The following ENTREP2 variants were observed in gnomAD, a reference collection of about 807,000 sequenced individuals.
ENTREP2 encodes protein ENTREP2.
At chr15:29,168,849 C>G in the ENTREP2 span, among the ~76,000 whole-genome samples, 1 of 152,174 alleles carries the variant, frequency 6.6e-6, no homozygotes, top group South Asian at 2.1e-4. Flanking sequence ...AGTTCACACA[C>G]TCTCCGCAAG....
At chr15:29,451,343 C>T in the ENTREP2 span, among the ~76,000 whole-genome samples, 5 of 152,202 alleles carry the variant, frequency 3.3e-5, no homozygotes, top group African/African-American at 1.2e-4. Flanking sequence ...TCCTTCCCCA[C>T]CCCTTCTCGC....
At chr15:29,387,133 G>A in the ENTREP2 span, among the ~76,000 whole-genome samples, 25 of 152,232 alleles carry the variant, frequency 1.6e-4, no homozygotes, top group African/African-American at 5.8e-4. Flanking sequence ...TTGGCTGTGG[G>A]TTTGTCATAG....
the ENTREP2 span, chr15:29,614,318 G>T: frequency 6.6e-6 from 1 of 152,530 alleles, no homozygotes; most frequent in Non-Finnish European, 1.5e-5. Context: ...CAGTGAGGAA[G>T]CCCAGTGGGA....
At chr15:29,311,118 G>A in the ENTREP2 span, among the ~76,000 whole-genome samples, 1 of 152,186 alleles carries the variant, frequency 6.6e-6, no homozygotes, top group East Asian at 1.9e-4. Flanking sequence ...TTTGTGATGA[G>A]AGACCTGTAA....
chr15:29,657,483 CGGGG>C, the ENTREP2 span, among the ~76,000 whole-genome samples: 314 of 69,442 alleles, frequency 4.5e-3, 18 homozygotes, highest in African/African-American at 0.017. Context: ...GCTGGGGGGG[CGGGG>C]GGGGGGGGTG....
the ENTREP2 span, among the ~76,000 whole-genome samples, chr15:29,209,055 G>T: frequency 6.6e-6 from 1 of 152,190 alleles, no homozygotes; most frequent in East Asian, 1.9e-4. Context: ...GAGGGGCGGG[G>T]CTCCCGGGGA....
chr15:29,263,077 G>A, the ENTREP2 span, among the ~76,000 whole-genome samples: 1 of 152,160 alleles, frequency 6.6e-6, no homozygotes, highest in African/African-American at 2.4e-5. Context: ...ACAATACTAA[G>A]AAATGCTTTC....
the ENTREP2 span, among the ~76,000 whole-genome samples, chr15:29,606,563 T>C: frequency 1.3e-5 from 2 of 152,076 alleles, no homozygotes; most frequent in African/African-American, 4.8e-5. Context: ...GTATAACATT[T>C]TTGGCTTATA....
the ENTREP2 span, among the ~76,000 whole-genome samples, chr15:29,291,132 T>C: frequency 6.6e-6 from 1 of 151,856 alleles, no homozygotes; most frequent in Non-Finnish European, 1.5e-5. Flanking sequence ...ATGGAAGGGG[T>C]CTCATTACCT....
the ENTREP2 span, among the ~76,000 whole-genome samples, chr15:29,156,453 G>A: frequency 6.6e-6 from 1 of 152,140 alleles, no homozygotes; most frequent in Non-Finnish European, 1.5e-5. Flanking sequence ...CTCCCAAAGT[G>A]CTGGGATTAC....
At chr15:29,527,694 T>C in the ENTREP2 span, among the ~76,000 whole-genome samples, 1 of 152,102 alleles carries the variant, frequency 6.6e-6, no homozygotes, top group Admixed American at 6.5e-5. Context: ...TCATGAGCCA[T>C]GGAGAAGCTT....
the ENTREP2 span, among the ~76,000 whole-genome samples, chr15:29,647,740 T>G: frequency 2.0e-5 from 3 of 152,142 alleles, no homozygotes; most frequent in African/African-American, 7.2e-5. Context: ...CTTTGCCTCA[T>G]ATATACCTCT....
chr15:29,212,549 T>C, the ENTREP2 span, among the ~76,000 whole-genome samples: 4 of 152,194 alleles, frequency 2.6e-5, no homozygotes, highest in East Asian at 7.7e-4. Context: ...CTGGTTCTTG[T>C]TTCTCTAGTT....
At chr15:29,611,264 A>G in the ENTREP2 span, 2 of 151,986 alleles carry the variant, frequency 1.3e-5, no homozygotes, top group African/African-American at 4.8e-5. Flanking sequence ...TTGCATCACA[A>G]AAGCCCAAAG....
At chr15:29,657,128 A>G in the ENTREP2 span, among the ~76,000 whole-genome samples, 1 of 152,036 alleles carries the variant, frequency 6.6e-6, no homozygotes, top group Non-Finnish European at 1.5e-5. Context: ...GCTCACTGCA[A>G]GCTCCGCCTC....
the ENTREP2 span, among the ~76,000 whole-genome samples, chr15:29,431,753 A>G: frequency 8.5e-5 from 13 of 152,306 alleles, no homozygotes; most frequent in African/African-American, 2.6e-4. Context: ...ATCTTAGCCT[A>G]TGTTCACACA....
At chr15:29,415,280 G>T in the ENTREP2 span, among the ~76,000 whole-genome samples, 1 of 152,164 alleles carries the variant, frequency 6.6e-6, no homozygotes, top group African/African-American at 2.4e-5. Flanking sequence ...GAATCCAGCA[G>T]CACATCAAAA....
chr15:29,443,045 C>CGCATG, the ENTREP2 span, among the ~76,000 whole-genome samples: 1 of 152,308 alleles, frequency 6.6e-6, no homozygotes, highest in African/African-American at 2.4e-5. Context: ...GGAGGGAAGC[C>CGCATG]GCATGTTTTC....
At chr15:29,213,560 T>A in the ENTREP2 span, among the ~76,000 whole-genome samples, 333 of 152,288 alleles carry the variant, frequency 2.2e-3, 2 homozygotes, top group African/African-American at 7.6e-3. Flanking sequence ...CAATTGTGAA[T>A]GGGAGTTCAC....
Sources: gnomAD v4.1 joint callset for allele counts (sites outside exome capture counted in the v4.1 genomes callset) on GRCh38, gnomAD v4.1.1 for gene constraint, MANE v1.5 for transcripts, NCBI Gene and HGNC (gene_info 2026-07-23, HGNC 2026-07-21) for gene names.